BCL2L14: variants seen among roughly 807,000 people sequenced by gnomAD.
BCL2L14 encodes apoptosis facilitator Bcl-2-like protein 14.
In BCL2L14, 27 loss-of-function variants were observed where a neutral mutation model predicts 35.3. The observed-to-expected ratio is 0.76, with a 90% CI of 0.56 to 1.05. BCL2L14 has a LOEUF of 1.05. Among genes scored for constraint, BCL2L14 ranks in the 50% least tolerant of loss-of-function variants. The pLI is 0.00. For synonymous variants in BCL2L14, 139 were observed against 145.9 expected (o/e 0.95, Z 0.34); for missense variants, 377 against 382.6 (o/e 0.99, Z 0.12).
chr12:12,067,416 T>C (rs556708846), upstream of BCL2L14, among the ~76,000 whole-genome samples: 18 of 152,106 alleles, frequency 1.2e-4, no homozygotes, highest in Admixed American at 9.2e-4. Context: ...CCAGGCGTGG[T>C]GGCACATGCC....
At chr12:12,074,161 C>T (rs2448064) in intron 1 of BCL2L14, among the ~76,000 whole-genome samples, 82,872 of 151,996 alleles carry the variant, frequency 0.55, 22,805 homozygotes, top group East Asian at 0.64. Flanking sequence ...ATTATTTGCC[C>T]TTTATCTGAA....
In BCL2L14 at chr12:12,099,122, A is replaced by T. The variant is rs1949377540; in HGVS notation, c.*134A>T. On this transcript the variant is annotated 3_prime_UTR_variant, in exon 6 of 6. Coordinates refer to ENST00000308721, the MANE Select transcript of BCL2L14 (RefSeq NM_138723.2). ...CGTTTTCAAAACCATTATTCCTGTG[A>T]CTGGAGAGGCATCAGGAGAGGTCTC... 1.5e-6 allele frequency: 1 copy of T among 671,298 alleles called. No homozygotes were observed. Among genetic ancestry groups the T allele is most frequent in the African/African-American group, 1.8e-5 (1 of 55,504 alleles). The allele number at this position is 671,298 out of a possible 1,614,324, so 41.6% of individuals were successfully genotyped here.
At chr12:12,090,669 A>T (rs1265710825) in intron 3 of BCL2L14, 110 bp from the exon 4 acceptor site, 1 of 681,366 alleles carries the variant, frequency 1.5e-6, no homozygotes, top group East Asian at 3.1e-5. Context: ...AAGAATTAGC[A>T]TGCCTCTTCC....
At chr12:12,060,824 T>C (rs1213509367) in intron 2 of BCL2L14, among the ~76,000 whole-genome samples, 1 of 131,520 alleles carries the variant, frequency 7.6e-6, no homozygotes, top group Admixed American at 8.3e-5. Flanking sequence ...GAAGGCTCTC[T>C]GACTGACTCC....
chr12:12,089,580 C>T (rs1263150985), intron 3 of BCL2L14, among the ~76,000 whole-genome samples: 1 of 151,860 alleles, frequency 6.6e-6, no homozygotes, highest in East Asian at 1.9e-4. Flanking sequence ...CACCTGTAGT[C>T]CCAGCTACTC....
At chr12:12,098,908 A>G (rs756200212) in intron 5 of BCL2L14, 42 bp from the exon 6 acceptor site, 3 of 1,410,792 alleles carry the variant, frequency 2.1e-6, no homozygotes, top group Non-Finnish European at 3.0e-6. Flanking sequence ...CTTCAACAGT[A>G]AATCTAACTT....
chr12:12,084,234 C>T (rs967489201), intron 2 of BCL2L14, among the ~76,000 whole-genome samples: 50 of 152,282 alleles, frequency 3.3e-4, no homozygotes, highest in South Asian at 6.2e-4. Flanking sequence ...GCTGGGATTA[C>T]GGGCGTGAGC....
rs376519071 is a variant in BCL2L14, at chr12:12,063,544, C to T, written c.-272+11697C>T. 1.6e-3 allele frequency among the ~76,000 whole-genome samples: 238 copies of T among 152,130 alleles called. 1 individual carries two copies. The highest frequency in any genetic ancestry group is 5.4e-3 in the African/African-American group (226 of 41,514). On this transcript the variant is annotated intron_variant, in intron 2 of 3. Coordinates refer to the BCL2L14 transcript ENST00000461264. ...TAATCTCTCCCACTCTAGGTTCCCA[C>T]GCCACCCCAATCCCACTCGAAGCAG...
intron 5 of BCL2L14, among the ~76,000 whole-genome samples, 162 bp from the exon 6 acceptor site, chr12:12,098,788 G>T (rs941553136): frequency 6.6e-6 from 1 of 152,118 alleles, no homozygotes; most frequent in Admixed American, 6.5e-5. Flanking sequence ...TTCCTTGCAG[G>T]CATACCAAGA....
intron 2 of BCL2L14, among the ~76,000 whole-genome samples, chr12:12,061,427 G>A (rs1343231757): frequency 1.3e-5 from 2 of 152,032 alleles, no homozygotes; most frequent in African/African-American, 4.8e-5. Context: ...TCACTCGCCT[G>A]CTACAGCATG....
At chr12:12,075,433 C>T (rs200481101) in intron 1 of BCL2L14, among the ~76,000 whole-genome samples, 2,065 of 105,338 alleles carry the variant, frequency 0.02, 24 homozygotes, top group African/African-American at 0.029. Context: ...TTCTTTCTTT[C>T]TTTTTTTTTT....
chr12:12,090,445 C>T (rs556911628), intron 3 of BCL2L14, among the ~76,000 whole-genome samples: 1 of 147,198 alleles, frequency 6.8e-6, no homozygotes, highest in African/African-American at 2.5e-5. Flanking sequence ...GCCTGGCTAA[C>T]ATGGTGAAAC....
upstream of BCL2L14, among the ~76,000 whole-genome samples, chr12:12,066,877 A>AT (rs1348466526): frequency 6.6e-6 from 1 of 151,690 alleles, no homozygotes; most frequent in Non-Finnish European, 1.5e-5. Flanking sequence ...TGTCTAGCTA[A>AT]TTTTTTGTAT....
In BCL2L14 at chr12:12,060,617, C is replaced by T. The variant is rs537194167; in HGVS notation, c.-272+8770C>T. Among the ~76,000 whole-genome samples, 881 of 33,446 alleles carry T rather than the reference C, an allele frequency of 0.026. 116 individuals carry two copies. In the East Asian group the frequency reaches 0.59, roughly 23 times the overall value. The allele number at this position is 33,446 out of a possible 152,430, so 21.9% of individuals were successfully genotyped here. On this transcript the variant is annotated intron_variant, in intron 2 of 3. Transcript: ENST00000461264. ...CACAAGAACTTCCAAAGGCCTAAACCTCAGCGTCCAGGCGTTCCTCCAGAA... is the reference window on the plus strand; with the variant it reads ...CACAAGAACTTCCAAAGGCCTAAACTTCAGCGTCCAGGCGTTCCTCCAGAA...
Position 12,090,505 on chromosome 12 carries a change from C to T in BCL2L14, c.608-274C>T, listed in dbSNP as rs866104435. Among the ~76,000 whole-genome samples, 14 of 151,994 alleles carry T rather than the reference C, an allele frequency of 9.2e-5. No individual in the cohort carries two copies. In the South Asian group the frequency reaches 1.0e-3, roughly 11 times the overall value. On this transcript the variant is annotated intron_variant, in intron 3 of 5. Transcript: ENST00000308721. ...AAAATTAGCCAGGCGTGGTGGCACA[C>T]GCCTGTAATCCCAGCTACTTGGGAG...
At chr12:12,085,517 G>A (rs150184759) in intron 2 of BCL2L14, among the ~76,000 whole-genome samples, 1 of 152,328 alleles carries the variant, frequency 6.6e-6, no homozygotes, top group African/African-American at 2.4e-5. Flanking sequence ...GAGGAGGAAA[G>A]ACATTGATCC....
chr12:12,074,166 T>C (rs1245857479), intron 1 of BCL2L14, among the ~76,000 whole-genome samples: 2 of 152,194 alleles, frequency 1.3e-5, no homozygotes, highest in African/African-American at 4.8e-5. Flanking sequence ...TTGCCCTTTA[T>C]CTGAACTTCA....
upstream of BCL2L14, among the ~76,000 whole-genome samples, chr12:12,069,525 C>T (rs955856414): frequency 3.3e-5 from 5 of 151,010 alleles, no homozygotes; most frequent in South Asian, 1.1e-3. Context: ...CGGTGAAACC[C>T]CGTCTCTACT....
intron 2 of BCL2L14, among the ~76,000 whole-genome samples, chr12:12,060,330 C>A (rs1948504121): frequency 7.7e-6 from 1 of 129,714 alleles, no homozygotes; most frequent in Non-Finnish European, 1.6e-5. Context: ...AAAAACCCAG[C>A]CCAGTTCATG....
Sources: gnomAD v4.1 joint callset for allele counts (sites outside exome capture counted in the v4.1 genomes callset) on GRCh38, gnomAD v4.1.1 for gene constraint, MANE v1.5 for transcripts, NCBI Gene and HGNC (gene_info 2026-07-23, HGNC 2026-07-21) for gene names.